Variants in ANOS1 observed in about 807,000 individuals in gnomAD.
The protein encoded by ANOS1 is anosmin-1.
A neutral mutation model predicts 59.0 loss-of-function variants in ANOS1; 6 were observed. The ratio of observed to expected loss-of-function variants is 0.10; its 90% CI spans 0.06 to 0.20. The LOEUF is 0.20. ANOS1 is among the 10% of genes least tolerant of loss of function. The pLI, the probability that ANOS1 is intolerant of heterozygous loss-of-function variation, is 1.00. For synonymous variants in ANOS1, 217 were observed against 223.4 expected, an observed-to-expected ratio of 0.97 and a Z score of 0.25; for missense variants, 433 against 542.3, an observed-to-expected ratio of 0.80 and a Z score of 2.00.
intron 8 of ANOS1, among the ~76,000 whole-genome samples, chrX:8,565,302 A>G (rs770441000): frequency 1.8e-5 from 2 of 112,078 alleles, no homozygotes; most frequent in East Asian, 5.6e-4. Flanking sequence ...GTAGAGAAAG[A>G]CAGCTCTTGC....
chrX:8,635,052 G>C (rs1361166991), intron 2 of ANOS1, among the ~76,000 whole-genome samples: 1 of 111,349 alleles, frequency 9.0e-6, no homozygotes, highest in Non-Finnish European at 1.9e-5. Flanking sequence ...CATAGCCTCA[G>C]TCATCTTGGA....
At position 8,532,378 on chromosome X, in the gene ANOS1, G is replaced by C. The variant is rs1332735538; in HGVS notation, c.*617C>G. On this transcript the variant is annotated 3_prime_UTR_variant, in exon 14 of 14. Coordinates refer to ENST00000262648, the MANE Select transcript of ANOS1 (RefSeq NM_000216.4). The stretch of plus-strand genomic sequence containing the variant: ...TCTTTTGTAAATCATAATTTATAGA[G>C]GGAACTTTGATTTACCTTTGCATAA... The C allele has an allele frequency of 9.0e-6, 1 of 111,482 alleles. No individual in the cohort carries two copies. The highest frequency in any genetic ancestry group is 1.9e-5 in the Non-Finnish European group (1 of 53,101). The allele number at this position is 111,482 out of a possible 1,213,427, so 9.2% of individuals were successfully genotyped here.
chrX:8,617,395 G>T (rs937668134), intron 3 of ANOS1, among the ~76,000 whole-genome samples: 13 of 112,007 alleles, frequency 1.2e-4, no homozygotes, highest in African/African-American at 4.2e-4. Context: ...ACTTTCTGAG[G>T]TCTCTTTTCA....
At chrX:8,672,660 C>A (rs1191595185) in intron 2 of ANOS1, among the ~76,000 whole-genome samples, 1 of 111,560 alleles carries the variant, frequency 9.0e-6, no homozygotes, top group East Asian at 2.8e-4. Flanking sequence ...GAGACACCCT[C>A]CGCACTCTGC....
chrX:8,549,899 T>C (rs1036664533), intron 9 of ANOS1, among the ~76,000 whole-genome samples: 1 of 112,183 alleles, frequency 8.9e-6, no homozygotes, highest in Non-Finnish European at 1.9e-5. Context: ...AGTAGGGGAT[T>C]GTATTAATCT....
intron 2 of ANOS1, among the ~76,000 whole-genome samples, chrX:8,671,239 T>C (rs1932249211): frequency 9.0e-6 from 1 of 111,679 alleles, no homozygotes. Context: ...AACTTCTCTA[T>C]AGGTACCAAA....
chrX:8,710,017 G>A (rs1049975702), intron 1 of ANOS1, among the ~76,000 whole-genome samples: 15 of 111,200 alleles, frequency 1.3e-4, no homozygotes, highest in African/African-American at 4.6e-4. Context: ...TGCAAGCTCC[G>A]TCTCCTGGGT....
intron 5 of ANOS1, among the ~76,000 whole-genome samples, chrX:8,587,133 T>TGG (rs1222166312): frequency 1.1e-5 from 1 of 90,703 alleles, no homozygotes; most frequent in African/African-American, 4.2e-5. Flanking sequence ...TGTGTGTGTG[T>TGG]GGGGGGGTGG....
intron 2 of ANOS1, among the ~76,000 whole-genome samples, chrX:8,655,192 G>T (rs1461719914): frequency 9.0e-6 from 1 of 111,562 alleles, no homozygotes; most frequent in East Asian, 2.8e-4. Context: ...TAGAATCAGT[G>T]TGAGCCCTGA....
At chrX:8,564,049 T>C (rs1263227079) in intron 8 of ANOS1, among the ~76,000 whole-genome samples, 1 of 111,050 alleles carries the variant, frequency 9.0e-6, no homozygotes, top group Non-Finnish European at 1.9e-5. Context: ...CATGAGTAGG[T>C]AGTGACTAAG....
At chrX:8,686,074 C>T (rs1417088562) in intron 2 of ANOS1, among the ~76,000 whole-genome samples, 2 of 112,054 alleles carry the variant, frequency 1.8e-5, no homozygotes, top group Non-Finnish European at 3.8e-5. Context: ...TGCTCAGTTA[C>T]AGCCATTACC....
chrX:8,725,852 T>TA (rs1397748320), intron 1 of ANOS1, among the ~76,000 whole-genome samples: 2 of 108,396 alleles, frequency 1.8e-5, no homozygotes, highest in African/African-American at 3.3e-5. Flanking sequence ...CACAATAAGG[T>TA]AGAGTTTTAA....
At chrX:8,725,013 T>C (rs1932900950) in intron 1 of ANOS1, among the ~76,000 whole-genome samples, 1 of 111,873 alleles carries the variant, frequency 8.9e-6, no homozygotes, top group Non-Finnish European at 1.9e-5. Flanking sequence ...AGTTGAAAGG[T>C]AGCTGACTTC....
intron 2 of ANOS1, among the ~76,000 whole-genome samples, chrX:8,646,932 C>CAAA (rs775821235): frequency 1.4e-4 from 7 of 51,845 alleles, no homozygotes; most frequent in Non-Finnish European, 1.9e-4. Flanking sequence ...GAACCTGTCT[C>CAAA]AAAAAAAAAA....
chrX:8,540,522 GA>G (rs1014644639), intron 9 of ANOS1, among the ~76,000 whole-genome samples: 2 of 111,078 alleles, frequency 1.8e-5, no homozygotes, highest in African/African-American at 6.6e-5. Flanking sequence ...AAAGTGGGGG[GA>G]AAAAAGATAA....
chrX:8,684,422 C>A lies in ANOS1; in HGVS notation c.255+15276G>T, dbSNP rs747889488. On this transcript the variant is annotated intron_variant, in intron 2 of 13. Coordinates refer to ENST00000262648, the MANE Select transcript of ANOS1 (RefSeq NM_000216.4). ...CTAGAGAATAGAGAAGGCTGCTTGC[C>A]GGCCGTAATGTGAATTCCCCAGAGT... Among the ~76,000 whole-genome samples, 4 of 111,109 alleles carry A rather than the reference C, an allele frequency of 3.6e-5. No homozygotes were observed. In the East Asian group the frequency reaches 1.1e-3, roughly 32 times the overall value.
chrX:8,620,263 CAATAAAGTTTTATTTATAA>C (rs906484975), intron 3 of ANOS1, among the ~76,000 whole-genome samples: 1 of 112,273 alleles, frequency 8.9e-6, no homozygotes, highest in Non-Finnish European at 1.9e-5. Flanking sequence ...GGCTGTGTTT[CAATAAAGTTTTATTTATAA>C]AACAAGAGGC....
intron 2 of ANOS1, among the ~76,000 whole-genome samples, chrX:8,685,574 G>A (rs1932497275): frequency 1.1e-5 from 1 of 93,971 alleles, no homozygotes; most frequent in Non-Finnish European, 2.1e-5. Flanking sequence ...AGGAAGGAAG[G>A]AAGGAAAGAA....
chrX:8,567,709 G>A (rs930629210), intron 8 of ANOS1, among the ~76,000 whole-genome samples: 1 of 110,975 alleles, frequency 9.0e-6, no homozygotes, highest in Non-Finnish European at 1.9e-5. Context: ...CAGGAGAACC[G>A]CTTGAACCCG....
Sources: allele counts gnomAD v4.1 joint callset (sites outside exome capture counted in the v4.1 genomes callset), GRCh38; gene constraint gnomAD v4.1.1; transcripts MANE v1.5; gene names NCBI Gene and HGNC (gene_info 2026-07-23, HGNC 2026-07-21).